TRIM27: variants seen among roughly 807,000 people sequenced by gnomAD.
TRIM27 encodes tripartite motif containing 27.
A neutral mutation model predicts 57.6 loss-of-function variants in TRIM27; 12 were observed. That is an observed-to-expected ratio of 0.21 (90% confidence interval 0.13 to 0.34). The LOEUF (loss-of-function observed/expected upper bound fraction) is 0.34. Ranked by LOEUF, TRIM27 falls within the 10% of genes least tolerant of loss-of-function variation. The pLI is 1.00. For missense variants in TRIM27, 403 were observed against 656.8 expected, an observed-to-expected ratio of 0.61 and a Z score of 4.22; for synonymous variants, 266 against 259.0, an observed-to-expected ratio of 1.03 and a Z score of -0.26.
chr6:28,908,905 T>C, intron 5 of TRIM27, 65 bp from the exon 6 acceptor site: 1 of 1,605,246 alleles, frequency 6.2e-7, no homozygotes, highest in Non-Finnish European at 8.5e-7. Flanking sequence ...AATTATCCTC[T>C]TCATCAGGCA....
Position 28,923,723 on chromosome 6 carries a change from TC to T in TRIM27, c.-92del. On this transcript the variant is annotated 5_prime_UTR_variant, in exon 1 of 8. Coordinates refer to ENST00000377199, the MANE Select transcript of TRIM27 (RefSeq NM_006510.5). ...TCCGGCGCTCTCTCCGGTTCGCTGT[TC>T]CTGAGAGGCACCGGGCGGACGGAGG... 1 of 1,357,672 alleles carries T rather than the reference TC, an allele frequency of 7.4e-7. No individual in the cohort carries two copies. The highest frequency in any genetic ancestry group is 9.8e-7 in the Non-Finnish European group (1 of 1,025,230). 84.1% of individuals were successfully genotyped at this position (1,357,672 alleles called of 1,614,324 possible).
At chr6:28,919,966 G>A (rs919036778) in intron 3 of TRIM27, 46 bp downstream of exon 3, 12 of 1,558,098 alleles carry the variant, frequency 7.7e-6, no homozygotes, top group South Asian at 3.5e-5. Context: ...GAGAAGGGAC[G>A]ATATTTTCAG....
intron 4 of TRIM27, among the ~76,000 whole-genome samples, chr6:28,910,308 G>A (rs1773104881): frequency 6.7e-6 from 1 of 149,572 alleles, no homozygotes; most frequent in Non-Finnish European, 1.5e-5. Flanking sequence ...ACTAGCCACA[G>A]ACTACCTACC....
In TRIM27 at chr6:28,915,741, T is replaced by C. The variant is rs534290866; in HGVS notation, c.748-4023A>G. The C allele has an allele frequency of 2.0e-5, 3 of 152,336 alleles. No individual in the cohort carries two copies. The South Asian group carries it at 6.2e-4, about 32-fold the overall frequency. 9.4% of individuals were successfully genotyped at this position (152,336 alleles called of 1,614,324 possible). The stretch of plus-strand genomic sequence containing the variant: ...CACAAATTTGTGAACCATTTTCTAC[T>C]TTTTGTGTTCAATGTTCACAGCAGC... On this transcript the variant is annotated intron_variant, in intron 3 of 7. Coordinates refer to ENST00000377199, the MANE Select transcript of TRIM27 (RefSeq NM_006510.5).
In TRIM27 at chr6:28,904,745, C is replaced by T; in HGVS notation, c.947-80G>A. The T allele has an allele frequency of 1.0e-6, 1 of 1,001,484 alleles. No homozygotes were observed. The highest frequency in any genetic ancestry group is 1.4e-6 in the Non-Finnish European group (1 of 697,734). The allele number at this position is 1,001,484 out of a possible 1,614,324, so 62.0% of individuals were successfully genotyped here. A position where few individuals can be genotyped will look rare whatever the true frequency, so the allele number is the denominator to read the frequency against. On this transcript the variant is annotated intron_variant, in intron 7 of 7. Coordinates refer to ENST00000377199, the MANE Select transcript of TRIM27 (RefSeq NM_006510.5). The surrounding 1 kb of genome is among the most constrained non-coding windows in gnomAD (Gnocchi z 6.1). ...ACACCCAGCGCCTTTCTACTACCTCCCCAATAATAAGAGGTTCCCACTGGA... is the reference window on the plus strand; with the variant it reads ...ACACCCAGCGCCTTTCTACTACCTCTCCAATAATAAGAGGTTCCCACTGGA...
At chr6:28,918,977 G>A (rs1773823370) in intron 3 of TRIM27, among the ~76,000 whole-genome samples, 1 of 151,962 alleles carries the variant, frequency 6.6e-6, no homozygotes, top group East Asian at 1.9e-4. Flanking sequence ...GCTGACCCTT[G>A]CCCTATGCCA....
Position 28,904,640 on chromosome 6 carries a change from C to G in TRIM27, c.972G>C (p.Thr324=), listed in dbSNP as rs1248827803. The stretch of plus-strand genomic sequence containing the variant: ...CAGAGAGGATCAGGCTGGGGTAGGC[C>G]GTGTCTGGGTCCAGAGTCACGTCCA... ...YSVDVTLDPD[T]AYPSLILSDN... is the part of the protein sequence containing the mutation. The change falls in exon 8 of 8, where the codon ACG becomes ACC. Residue 324 remains threonine, a synonymous_variant. Transcript: ENST00000377199. This position sits in a 1 kb window ranked among gnomAD's most constrained non-coding sequence, Gnocchi z 6.1. The G allele has an allele frequency of 1.3e-6, 2 of 1,598,868 alleles. No homozygotes were observed. Among genetic ancestry groups the G allele is most frequent in the Non-Finnish European group, 1.7e-6 (2 of 1,179,592 alleles).
chr6:28,917,406 C>T (rs1369719134), intron 3 of TRIM27, among the ~76,000 whole-genome samples: 2 of 151,622 alleles, frequency 1.3e-5, no homozygotes, highest in Admixed American at 6.6e-5. Flanking sequence ...GGTGAAACTC[C>T]GTCTCTATAA....
intron 7 of TRIM27, 36 bp downstream of exon 7, chr6:28,907,200 C>A (rs1360418583): frequency 6.3e-7 from 1 of 1,588,882 alleles, no homozygotes; most frequent in Non-Finnish European, 8.6e-7. Context: ...GATTTTTACT[C>A]CTTACCCTAA....
At chr6:28,911,454 G>C in intron 4 of TRIM27, 1 of 486,836 alleles carries the variant, frequency 2.1e-6, no homozygotes, top group South Asian at 3.8e-5. Context: ...CCCTCTCCAT[G>C]GAAGTGTCCT....
intron 3 of TRIM27, among the ~76,000 whole-genome samples, chr6:28,912,418 TC>T (rs1773274405): frequency 1.3e-5 from 2 of 151,954 alleles, no homozygotes; most frequent in South Asian, 4.2e-4. Flanking sequence ...CTCCCTTCTT[TC>T]ATACACAAAA....
intron 7 of TRIM27, 39 bp downstream of exon 7, chr6:28,907,197 A>C (rs1772830499): frequency 6.3e-7 from 1 of 1,579,114 alleles, no homozygotes; most frequent in East Asian, 2.2e-5. Flanking sequence ...AAGGATTTTT[A>C]CTCCTTACCC....
chr6:28,906,335 C>G (rs976392867), intron 7 of TRIM27: 3 of 152,110 alleles, frequency 2.0e-5, no homozygotes, highest in Middle Eastern at 3.2e-3. Context: ...GAAATTTAAG[C>G]CCACAAATTT....
intron 6 of TRIM27, chr6:28,907,763 AAAG>A (rs1450011341): frequency 2.6e-6 from 1 of 386,884 alleles, no homozygotes; most frequent in Non-Finnish European, 5.0e-6. Flanking sequence ...AGTGGCAAGA[AAAG>A]AAGAGCCAGA....
chr6:28,909,985 A>G (rs957153527), intron 4 of TRIM27, among the ~76,000 whole-genome samples: 1 of 152,138 alleles, frequency 6.6e-6, no homozygotes, highest in African/African-American at 2.4e-5. Flanking sequence ...TTAAAAATGT[A>G]ACATGACAGG....
intron 3 of TRIM27, chr6:28,914,692 T>C (rs2150478273): frequency 6.7e-6 from 1 of 149,214 alleles, no homozygotes; most frequent in South Asian, 2.1e-4. Context: ...TATATCCGAG[T>C]AACAGAAAAA....
chr6:28,910,441 T>C (rs1163127412), intron 4 of TRIM27, among the ~76,000 whole-genome samples: 1 of 152,174 alleles, frequency 6.6e-6, no homozygotes, highest in East Asian at 1.9e-4. Flanking sequence ...GCAATTGTCC[T>C]GCCTCAACCT....
At chr6:28,914,152 T>G (rs974099976) in intron 3 of TRIM27, among the ~76,000 whole-genome samples, 7 of 150,178 alleles carry the variant, frequency 4.7e-5, no homozygotes, top group Admixed American at 3.3e-4. Context: ...TTTTTTTTTT[T>G]TGAGACAGAG....
At chr6:28,910,074 ACCAG>A (rs897846413) in intron 4 of TRIM27, among the ~76,000 whole-genome samples, 1 of 145,374 alleles carries the variant, frequency 6.9e-6, no homozygotes, top group African/African-American at 2.5e-5. Flanking sequence ...GGAGTTCAAG[ACCAG>A]CCTGGGCAAC....
Sources: gnomAD v4.1 joint callset for allele counts (sites outside exome capture counted in the v4.1 genomes callset) on GRCh38, gnomAD v4.1.1 for gene constraint, Gnocchi (gnomAD v3.1) non-coding constraint, MANE v1.5 for transcripts, NCBI Gene and HGNC (gene_info 2026-07-23, HGNC 2026-07-21) for gene names.